Variants in TANC2 observed in about 807,000 individuals in gnomAD.
The protein encoded by TANC2 is tetratricopeptide repeat, ankyrin repeat and coiled-coil containing 2.
A neutral mutation model predicts 210.5 loss-of-function variants in TANC2; 26 were observed. The ratio of observed to expected loss-of-function variants is 0.12; its 90% CI spans 0.09 to 0.17. The LOEUF (loss-of-function observed/expected upper bound fraction) is 0.17. TANC2 is among the 10% of genes least tolerant of loss of function. The probability of loss-of-function intolerance (pLI) is 1.00; values close to 1 mark genes in which losing one functional copy is unlikely to be tolerated. For synonymous variants in TANC2, 931 were observed against 967.1 expected (o/e 0.96, Z 0.69); for missense variants, 2,129 against 2,608.9 (o/e 0.82, Z 4.01).
intron 3 of TANC2, among the ~76,000 whole-genome samples, chr17:63,097,445 T>C (rs2037429305): frequency 1.3e-5 from 2 of 152,122 alleles, no homozygotes; most frequent in Non-Finnish European, 2.9e-5. Flanking sequence ...CTGCAATTAG[T>C]TTTGCACCAA....
At chr17:63,263,140 C>A (rs1356218422) in intron 8 of TANC2, among the ~76,000 whole-genome samples, 3 of 152,146 alleles carry the variant, frequency 2.0e-5, no homozygotes, top group South Asian at 2.1e-4. Flanking sequence ...ACATTTTAAT[C>A]GGCTCTTATC....
At position 63,234,706 on chromosome 17, in the gene TANC2, G is replaced by T. The variant is rs114598801; in HGVS notation, c.770-3108G>T. ...TTTCTACTCTCCAGAAATGTACAGT[G>T]TAGTAAAGGAGGCAAGGTACATCTA... On this transcript the variant is annotated intron_variant, in intron 7 of 27. Transcript: ENST00000689528. 4.3e-3 allele frequency among the ~76,000 whole-genome samples: 660 copies of T among 152,212 alleles called. 6 individuals carry two copies. The highest frequency in any genetic ancestry group is 0.014 in the African/African-American group (576 of 41,538).
intron 14 of TANC2, among the ~76,000 whole-genome samples, chr17:63,372,691 A>C (rs1017684500): frequency 6.6e-6 from 1 of 152,208 alleles, no homozygotes; most frequent in Non-Finnish European, 1.5e-5. Flanking sequence ...CAGAACTAGG[A>C]TTTAAAAGTA....
intron 2 of TANC2, among the ~76,000 whole-genome samples, chr17:63,022,368 G>A (rs889006132): frequency 1.4e-4 from 21 of 150,470 alleles, no homozygotes; most frequent in Non-Finnish European, 3.0e-4. Flanking sequence ...TGACAAACTA[G>A]GATTTCTGGT....
chr17:63,118,162 C>G (rs1415856085), intron 4 of TANC2, among the ~76,000 whole-genome samples: 1 of 152,100 alleles, frequency 6.6e-6, no homozygotes, highest in Non-Finnish European at 1.5e-5. Context: ...ATATGGAAAT[C>G]TAGAATTTTG....
chr17:63,168,183 C>T (rs1165039975), intron 5 of TANC2, among the ~76,000 whole-genome samples: 2 of 152,104 alleles, frequency 1.3e-5, no homozygotes, highest in African/African-American at 4.8e-5. Flanking sequence ...GCTTAGGCAA[C>T]ATAGCAAGAC....
At chr17:63,383,728 T>G (rs944996073) in intron 15 of TANC2, among the ~76,000 whole-genome samples, 1 of 152,204 alleles carries the variant, frequency 6.6e-6, no homozygotes, top group Admixed American at 6.5e-5. Context: ...AATGCCTTAG[T>G]AGTGCAATTA....
intron 5 of TANC2, among the ~76,000 whole-genome samples, chr17:63,187,888 G>A (rs1259114294): frequency 6.6e-6 from 1 of 151,818 alleles, no homozygotes; most frequent in Non-Finnish European, 1.5e-5. Context: ...TTCAAATTTA[G>A]GAATAGCATC....
intron 12 of TANC2, among the ~76,000 whole-genome samples, chr17:63,347,062 C>T (rs1228597686): frequency 6.6e-6 from 1 of 152,138 alleles, no homozygotes; most frequent in Non-Finnish European, 1.5e-5. Context: ...AACTCTATTG[C>T]TACGTATTTA....
chr17:63,194,252 A>G, intron 6 of TANC2, 113 bp downstream of exon 6: 1 of 1,102,138 alleles, frequency 9.1e-7, no homozygotes. Flanking sequence ...TTAACTTTCC[A>G]TAATCACTAT....
At chr17:63,041,514 A>G (rs2035186636) in intron 2 of TANC2, among the ~76,000 whole-genome samples, 1 of 152,166 alleles carries the variant, frequency 6.6e-6, no homozygotes, top group African/African-American at 2.4e-5. Context: ...GGGGTTTGGA[A>G]GAGAAAATGA....
At chr17:63,310,735 A>G (rs2045095750) in intron 9 of TANC2, among the ~76,000 whole-genome samples, 1 of 152,214 alleles carries the variant, frequency 6.6e-6, no homozygotes, top group Non-Finnish European at 1.5e-5. Context: ...TATACATTAA[A>G]CACAATGAGA....
chr17:63,013,187 C>A (rs1047753845), intron 2 of TANC2, among the ~76,000 whole-genome samples: 1 of 151,930 alleles, frequency 6.6e-6, no homozygotes, highest in African/African-American at 2.4e-5. Flanking sequence ...ATCCTCCTGC[C>A]TTAGCCACCC....
intron 4 of TANC2, among the ~76,000 whole-genome samples, chr17:63,121,269 C>T (rs1306545563): frequency 6.6e-6 from 1 of 152,052 alleles, no homozygotes; most frequent in African/African-American, 2.4e-5. Context: ...AACTTTGCAG[C>T]TTAGGACAGG....
At chr17:63,100,956 T>C (rs1413449574) in intron 4 of TANC2, among the ~76,000 whole-genome samples, 1 of 152,202 alleles carries the variant, frequency 6.6e-6, no homozygotes, top group Non-Finnish European at 1.5e-5. Flanking sequence ...TCTCATAGTT[T>C]AATTTACTGA....
At chr17:63,397,788 G>A (rs1355157669) in intron 18 of TANC2, among the ~76,000 whole-genome samples, 1 of 152,216 alleles carries the variant, frequency 6.6e-6, no homozygotes, top group Non-Finnish European at 1.5e-5. Context: ...ATAGGAAGTT[G>A]AGAGATTTGA....
chr17:63,204,284 CAA>C (rs760772255), intron 7 of TANC2, among the ~76,000 whole-genome samples: 4 of 128,474 alleles, frequency 3.1e-5, no homozygotes. Flanking sequence ...ACCAAGGAGG[CAA>C]AAAAAAAAAA....
intron 26 of TANC2, among the ~76,000 whole-genome samples, chr17:63,416,865 G>C (rs923208695): frequency 6.6e-6 from 1 of 152,226 alleles, no homozygotes; most frequent in African/African-American, 2.4e-5. Context: ...TCGGGAGACA[G>C]ATTTTCATGC....
intron 4 of TANC2, among the ~76,000 whole-genome samples, chr17:63,105,040 A>G (rs2037773177): frequency 6.6e-6 from 1 of 151,670 alleles, no homozygotes. Flanking sequence ...TATAGTTTCT[A>G]AAGAGATGTG....
Sources: allele counts gnomAD v4.1 joint callset (sites outside exome capture counted in the v4.1 genomes callset), GRCh38; gene constraint gnomAD v4.1.1; transcripts MANE v1.5; gene names NCBI Gene and HGNC (gene_info 2026-07-23, HGNC 2026-07-21).